ESR1: variants seen among roughly 807,000 people sequenced by gnomAD.
ESR1 encodes estrogen receptor.
Under a neutral mutation model 52.7 loss-of-function variants are expected in ESR1, and 12 were observed. That is an observed-to-expected ratio of 0.23 (90% CI 0.15 to 0.37). The LOEUF (loss-of-function observed/expected upper bound fraction) is 0.37. ESR1 is among the 10% of genes least tolerant of loss of function. ESR1 has a pLI of 1.00. For synonymous variants in ESR1, 305 were observed against 316.8 expected, an observed-to-expected ratio of 0.96 and a Z score of 0.39; for missense variants, 584 against 779.7, an observed-to-expected ratio of 0.75 and a Z score of 2.99.
intron 2 of ESR1, among the ~76,000 whole-genome samples, chr6:151,705,519 G>T (rs965690645): frequency 2.6e-5 from 4 of 152,102 alleles, no homozygotes; most frequent in Non-Finnish European, 4.4e-5. Context: ...CCAAAAAATT[G>T]GTAAATCACA....
At chr6:151,688,966 T>C (rs1778794581), upstream of ESR1, among the ~76,000 whole-genome samples, 1 of 152,202 alleles carries the variant, frequency 6.6e-6, no homozygotes, top group South Asian at 2.1e-4. Flanking sequence ...ATATCAATAA[T>C]AGTTTTTTAA....
chr6:151,950,648 C>T (rs1317442962), intron 4 of ESR1, among the ~76,000 whole-genome samples: 4 of 152,124 alleles, frequency 2.6e-5, no homozygotes, highest in South Asian at 2.1e-4. Flanking sequence ...AGGAAGAGGA[C>T]GGTCATGTGA....
chr6:151,672,827 AT>A (rs11365774), intron 1 of ESR1, among the ~76,000 whole-genome samples: 46,682 of 120,970 alleles, frequency 0.39, 7,117 homozygotes, highest in African/African-American at 0.43. Context: ...TTCATGATCA[AT>A]TTTTTTTTTT....
At chr6:151,863,757 C>A (rs575195968) in intron 2 of ESR1, among the ~76,000 whole-genome samples, 1 of 152,242 alleles carries the variant, frequency 6.6e-6, no homozygotes, top group South Asian at 2.1e-4. Context: ...AATAATACCA[C>A]ACATCTACAA....
intron 3 of ESR1, among the ~76,000 whole-genome samples, chr6:151,885,378 A>G (rs1391911385): frequency 6.6e-6 from 1 of 152,154 alleles, no homozygotes; most frequent in African/African-American, 2.4e-5. Flanking sequence ...AACTCAGAGT[A>G]TTACTCAGAC....
chr6:151,779,824 C>T (rs919601286), intron 2 of ESR1, among the ~76,000 whole-genome samples: 9 of 127,752 alleles, frequency 7.0e-5, no homozygotes, highest in Admixed American at 1.5e-4. Flanking sequence ...CGCGTGAACC[C>T]GGGAGGCGGA....
intron 2 of ESR1, among the ~76,000 whole-genome samples, chr6:151,738,119 G>T (rs2128052502): frequency 6.6e-6 from 1 of 152,170 alleles, no homozygotes; most frequent in South Asian, 2.1e-4. Context: ...TTTTCTGGTG[G>T]TAGGCTTATT....
At chr6:151,682,910 A>G (rs1778513258) in intron 1 of ESR1, among the ~76,000 whole-genome samples, 1 of 152,272 alleles carries the variant, frequency 6.6e-6, no homozygotes, top group Non-Finnish European at 1.5e-5. Flanking sequence ...AAATAGAAAT[A>G]TGAACATACA....
intron 2 of ESR1, among the ~76,000 whole-genome samples, chr6:151,866,353 A>G (rs894480047): frequency 7.2e-5 from 11 of 151,828 alleles, no homozygotes; most frequent in African/African-American, 2.7e-4. Flanking sequence ...TTTGCTTATT[A>G]TACTTTACGT....
intron 2 of ESR1, among the ~76,000 whole-genome samples, chr6:151,851,053 T>C (rs1188594794): frequency 2.6e-5 from 4 of 152,162 alleles, no homozygotes; most frequent in South Asian, 2.1e-4. Context: ...CCATAGCCCA[T>C]GGAATGGTCC....
At chr6:151,886,353 T>C (rs1226104467) in intron 3 of ESR1, among the ~76,000 whole-genome samples, 4 of 152,226 alleles carry the variant, frequency 2.6e-5, no homozygotes, top group Non-Finnish European at 5.9e-5. Context: ...TGCAGGACTC[T>C]TGGACTGACT....
At chr6:151,956,813 TATATATAAAAATATATATAAATATAA>T (rs2036979560) in intron 4 of ESR1, among the ~76,000 whole-genome samples, 1 of 109,136 alleles carries the variant, frequency 9.2e-6, no homozygotes, top group African/African-American at 3.1e-5. Flanking sequence ...TAAATATAAA[TATATATAAAAATATATATAAATATAA>T]ATAAATATAT....
chr6:151,835,593 G>A (rs827422), intron 1 of ESR1, among the ~76,000 whole-genome samples: 75,297 of 152,068 alleles, frequency 0.5, 19,214 homozygotes, highest in Admixed American at 0.64. Context: ...AAGATAAGTC[G>A]TATAAATTGT....
chr6:152,121,615 C>T (rs1389856852), intron 6 of ESR1: 1 of 152,398 alleles, frequency 6.6e-6, no homozygotes, highest in African/African-American at 2.4e-5. Context: ...ATTTAGGTTG[C>T]ATTCTGATCA....
intron 4 of ESR1, among the ~76,000 whole-genome samples, chr6:151,955,052 A>G (rs1381830375): frequency 6.6e-6 from 1 of 152,208 alleles, no homozygotes; most frequent in Non-Finnish European, 1.5e-5. Flanking sequence ...AGTATCTAAC[A>G]TATACATGTC....
chr6:151,891,357 G>T (rs1794673939), intron 3 of ESR1, among the ~76,000 whole-genome samples: 1 of 152,120 alleles, frequency 6.6e-6, no homozygotes, highest in Non-Finnish European at 1.5e-5. Flanking sequence ...AAAAATAAAT[G>T]ATTCTTGATA....
Position 151,966,221 on chromosome 6 carries a change from T to C in ESR1, c.1096+21713T>C, listed in dbSNP as rs9340918. 9.5e-3 allele frequency among the ~76,000 whole-genome samples: 1,448 copies of C among 152,330 alleles called. 14 individuals carry two copies. Among genetic ancestry groups the C allele is most frequent in the Middle Eastern group, 0.031 (9 of 294 alleles). ...TTGAAGATACTGCCCCACTATATATTCTAAAATCCATTGCTGCTAATGAGA... is the reference window on the plus strand; with the variant it reads ...TTGAAGATACTGCCCCACTATATATCCTAAAATCCATTGCTGCTAATGAGA... On this transcript the variant is annotated intron_variant, in intron 4 of 7. Transcript: ENST00000206249.
chr6:151,978,743 T>C (rs1382099457), intron 4 of ESR1, among the ~76,000 whole-genome samples: 1 of 152,120 alleles, frequency 6.6e-6, no homozygotes, highest in African/African-American at 2.4e-5. Flanking sequence ...AATTTTCAAC[T>C]TAAAATAGTG....
At chr6:152,085,033 A>T (rs927102681) in intron 6 of ESR1, among the ~76,000 whole-genome samples, 1 of 152,198 alleles carries the variant, frequency 6.6e-6, no homozygotes, top group Non-Finnish European at 1.5e-5. Flanking sequence ...AGTTTATAAC[A>T]TGGGGCAGGA....
Sources: gnomAD v4.1 joint callset for allele counts (sites outside exome capture counted in the v4.1 genomes callset) on GRCh38, gnomAD v4.1.1 for gene constraint, MANE v1.5 for transcripts, NCBI Gene and HGNC (gene_info 2026-07-23, HGNC 2026-07-21) for gene names.